BLM: variants seen among roughly 807,000 people sequenced by gnomAD.
BLM encodes the protein recQ-like DNA helicase BLM.
Under a neutral mutation model 135.3 loss-of-function variants are expected in BLM, and 95 were observed. The ratio of observed to expected loss-of-function variants is 0.70; its 90% CI spans 0.59 to 0.83. The LOEUF is 0.83. BLM is among the 40% of genes least tolerant of loss of function. The pLI is 0.00. For missense variants in BLM, 1,518 were observed against 1,663.9 expected (o/e 0.91, Z 1.53); for synonymous variants, 520 against 589.2 (o/e 0.88, Z 1.70).
chr15:90,790,918 G>C, intron 15 of BLM, 74 bp downstream of exon 15: 1 of 1,412,102 alleles, frequency 7.1e-7, no homozygotes, highest in South Asian at 1.2e-5. Flanking sequence ...TGCTATTGTG[G>C]TACTTCTGGT....
At chr15:90,797,659 T>C (rs898711766) in intron 16 of BLM, among the ~76,000 whole-genome samples, 5 of 151,840 alleles carry the variant, frequency 3.3e-5, no homozygotes, top group African/African-American at 1.2e-4. Context: ...TCAGTATTGA[T>C]GGTAGAGAGA....
chr15:90,770,568 C>T (rs1421352868), intron 12 of BLM, among the ~76,000 whole-genome samples: 1 of 152,212 alleles, frequency 6.6e-6, no homozygotes, highest in Non-Finnish European at 1.5e-5. Context: ...TTTATTCACT[C>T]AGCAAATATT....
chr15:90,772,972 C>T (rs895604021), intron 12 of BLM, among the ~76,000 whole-genome samples: 7 of 151,550 alleles, frequency 4.6e-5, no homozygotes, highest in Non-Finnish European at 1.0e-4. Flanking sequence ...TGGTGCATAC[C>T]TGTAATCCCA....
chr15:90,736,344 G>T (rs1364765061), intron 1 of BLM, among the ~76,000 whole-genome samples: 1 of 151,942 alleles, frequency 6.6e-6, no homozygotes, highest in Non-Finnish European at 1.5e-5. Flanking sequence ...GCTCACTGCA[G>T]CTCAAACTCC....
rs56263475 is a variant in BLM, at chr15:90,765,221, G to A, written c.2075-75G>A. On this transcript the variant is annotated intron_variant, in intron 8 of 21. Transcript: ENST00000355112. ...TGCCTTGGTGTCCTATTAATGATAT[G>A]ATTTCTTTTGTAACTTTTACATTCA... The A allele has an allele frequency of 1.1e-3, 1,381 of 1,210,518 alleles. 12 individuals carry two copies. The African/African-American group carries it at 0.019, about 16-fold the overall frequency. The allele number at this position is 1,210,518 out of a possible 1,614,324, so 75.0% of individuals were successfully genotyped here.
chr15:90,729,582 A>G (rs1895011623), intron 1 of BLM, among the ~76,000 whole-genome samples: 1 of 152,142 alleles, frequency 6.6e-6, no homozygotes, highest in Non-Finnish European at 1.5e-5. Flanking sequence ...CTGGTCTGTC[A>G]TCTTATTTCC....
chr15:90,752,786 C>T (rs1281247984), intron 4 of BLM, among the ~76,000 whole-genome samples: 1 of 152,156 alleles, frequency 6.6e-6, no homozygotes, highest in Non-Finnish European at 1.5e-5. Flanking sequence ...ACTCTCAGAC[C>T]AGTTGAGTGG....
At chr15:90,778,284 G>T (rs1411656214) in intron 12 of BLM, among the ~76,000 whole-genome samples, 3 of 152,072 alleles carry the variant, frequency 2.0e-5, no homozygotes, top group African/African-American at 2.4e-5. Context: ...TAAATTAACT[G>T]GTAAACAGTT....
intron 1 of BLM, among the ~76,000 whole-genome samples, chr15:90,722,027 G>T (rs1423465480): frequency 4.6e-4 from 70 of 152,068 alleles, no homozygotes; most frequent in Non-Finnish European, 1.3e-4. Flanking sequence ...GCTCACGCCT[G>T]TAATCCCAGC....
chr15:90,760,385 A>G (rs1235497465), intron 6 of BLM, 106 bp downstream of exon 6: 6 of 1,462,918 alleles, frequency 4.1e-6, no homozygotes, highest in East Asian at 4.5e-5. Flanking sequence ...TGGAAATGGC[A>G]TAAGGATGAT....
At position 90,794,188 on chromosome 15, in the gene BLM, A is replaced by G. The variant is rs145022945; in HGVS notation, c.3041A>G (p.His1014Arg). The change falls in exon 16 of 22, where the codon CAT (histidine) becomes CGT (arginine). Residue 1014 changes from histidine to arginine, a missense_variant. By Grantham distance (29) the His-to-Arg change is conservative (BLOSUM62 0). Transcript: ENST00000355112. ...TTAGTGGAAAAAGATGGAAACCATC[A>G]TACAAGAGAAACTCACTTCAATAAT... is the stretch of plus-strand genomic sequence containing the variant. ...LIMMEKDGNH[H>R]TRETHFNNLY... 2.8e-4 allele frequency: 451 copies of G among 1,604,568 alleles called. 2 individuals carry two copies. The highest frequency in any genetic ancestry group is 6.0e-5 in the Non-Finnish European group (70 of 1,173,936).
At chr15:90,781,741 C>T (rs1342997670) in intron 12 of BLM, among the ~76,000 whole-genome samples, 1 of 152,190 alleles carries the variant, frequency 6.6e-6, no homozygotes, top group East Asian at 1.9e-4. Context: ...ACATTCAAAA[C>T]CATCCTGGGC....
chr15:90,795,917 G>A (rs1285314036), intron 16 of BLM, among the ~76,000 whole-genome samples: 1 of 152,196 alleles, frequency 6.6e-6, no homozygotes, highest in East Asian at 1.9e-4. Context: ...GGAAAATCTT[G>A]AAGAAGGGAG....
chr15:90,788,058 C>T (rs1489043706), intron 14 of BLM, among the ~76,000 whole-genome samples: 1 of 150,876 alleles, frequency 6.6e-6, no homozygotes, highest in Non-Finnish European at 1.5e-5. Context: ...TCAGTGGAGA[C>T]AATAGAATCA....
At chr15:90,766,036 G>A (rs1261092498) in intron 9 of BLM, among the ~76,000 whole-genome samples, 1 of 152,132 alleles carries the variant, frequency 6.6e-6, no homozygotes, top group Non-Finnish European at 1.5e-5. Context: ...TAGAGCCCAG[G>A]AGTTTGAGGC....
At chr15:90,731,624 A>G (rs1030859952) in intron 1 of BLM, among the ~76,000 whole-genome samples, 3 of 152,176 alleles carry the variant, frequency 2.0e-5, no homozygotes, top group African/African-American at 7.2e-5. Context: ...GAATGTGTCC[A>G]TCTCATCTAA....
intron 8 of BLM, among the ~76,000 whole-genome samples, chr15:90,763,774 T>A (rs891158609): frequency 6.6e-6 from 1 of 152,232 alleles, no homozygotes; most frequent in African/African-American, 2.4e-5. Context: ...GGACATTCAT[T>A]GTGCTGTTAA....
At chr15:90,724,682 G>T (rs1894863372) in intron 1 of BLM, among the ~76,000 whole-genome samples, 1 of 152,150 alleles carries the variant, frequency 6.6e-6, no homozygotes. Flanking sequence ...GCAGCCAGCT[G>T]GAAGAAATAC....
rs754509200 is a variant in BLM, at chr15:90,754,951, T to A, written c.1087+13T>A. The A allele has an allele frequency of 6.2e-7, 1 of 1,613,402 alleles. No homozygotes were observed. Among genetic ancestry groups the A allele is most frequent in the Admixed American group, 1.7e-5 (1 of 60,008 alleles). On this transcript the variant is annotated intron_variant, in intron 5 of 21. Transcript: ENST00000355112. The stretch of plus-strand genomic sequence containing the variant: ...ACAGACTGTGACGGTACAAGCAATA[T>A]TTTAGACATACCATGTATTTCAACT...
Sources: allele counts gnomAD v4.1 joint callset (sites outside exome capture counted in the v4.1 genomes callset), GRCh38; gene constraint gnomAD v4.1.1; transcripts MANE v1.5; gene names NCBI Gene and HGNC (gene_info 2026-07-23, HGNC 2026-07-21).